Variants in PRKN observed in about 807,000 individuals in gnomAD.
PRKN encodes the protein parkin RBR E3 ubiquitin protein ligase, also known as E3 ubiquitin-protein ligase parkin.
In PRKN, 56 loss-of-function variants were observed where a neutral mutation model predicts 59.5. The ratio of observed to expected loss-of-function variants is 0.94; its 90% CI spans 0.76 to 1.18. The LOEUF (loss-of-function observed/expected upper bound fraction) is 1.18. Ranked by LOEUF, PRKN falls within the 50% of genes most tolerant of loss-of-function variation. The probability of loss-of-function intolerance (pLI) is 0.00; values close to 1 mark genes in which losing one functional copy is unlikely to be tolerated. For missense variants in PRKN, 657 were observed against 596.4 expected, an observed-to-expected ratio of 1.10 and a Z score of -1.06; for synonymous variants, 250 against 222.1, an observed-to-expected ratio of 1.13 and a Z score of -1.12.
In PRKN at chr6:161,550,541, G is replaced by A. The variant is rs1000231328; in HGVS notation, c.934-1538C>T. ...CTTGAACCGGGAAGGTAGTGCTGGAGGTAGGATGAGTGTTTGAATTCTGGG... is the reference window on the plus strand; with the variant it reads ...CTTGAACCGGGAAGGTAGTGCTGGAAGTAGGATGAGTGTTTGAATTCTGGG... On this transcript the variant is annotated intron_variant, in intron 8 of 11. Transcript: ENST00000366898. The surrounding 1 kb of genome is among the most constrained non-coding windows in gnomAD (Gnocchi z 4.0). Among the ~76,000 whole-genome samples the A allele has an allele frequency of 2.6e-5, 4 of 152,152 alleles. No individual in the cohort carries two copies. The highest frequency in any genetic ancestry group is 6.5e-5 in the Admixed American group (1 of 15,280).
At chr6:162,021,462 T>TATATATATATA (rs1554261961) in intron 5 of PRKN, among the ~76,000 whole-genome samples, 17 of 38,790 alleles carry the variant, frequency 4.4e-4, no homozygotes, top group African/African-American at 1.2e-3. Flanking sequence ...TATATATATA[T>TATATATATATA]TTTTTTTTTT....
At chr6:162,466,366 A>C in intron 1 of PRKN, among the ~76,000 whole-genome samples, 1 of 152,246 alleles carries the variant, frequency 6.6e-6, no homozygotes, top group South Asian at 2.1e-4. Context: ...CCCAGGCATT[A>C]TATTATTAAC....
At chr6:161,837,896 A>G (rs904135825) in intron 6 of PRKN, among the ~76,000 whole-genome samples, 3 of 152,196 alleles carry the variant, frequency 2.0e-5, no homozygotes, top group Non-Finnish European at 2.9e-5. Flanking sequence ...ATCTTATTTA[A>G]GAAGCAAGCA....
At chr6:161,747,029 C>T (rs1374743502) in intron 7 of PRKN, among the ~76,000 whole-genome samples, 4 of 151,920 alleles carry the variant, frequency 2.6e-5, no homozygotes, top group African/African-American at 7.3e-5. Flanking sequence ...GAAACGTTTT[C>T]GATTGATTTT....
chr6:162,212,729 C>T (rs1292700874), intron 3 of PRKN, among the ~76,000 whole-genome samples: 1 of 152,190 alleles, frequency 6.6e-6, no homozygotes, highest in Non-Finnish European at 1.5e-5. Context: ...TGTACTTACA[C>T]ACACCTAGAT....
At chr6:162,121,573 G>A (rs1399858062) in intron 4 of PRKN, among the ~76,000 whole-genome samples, 1 of 152,218 alleles carries the variant, frequency 6.6e-6, no homozygotes, top group Non-Finnish European at 1.5e-5. Context: ...GGCAGTGCAA[G>A]CTGCTTTGCC....
chr6:162,277,303 CACG>C (rs1018512690), intron 2 of PRKN, among the ~76,000 whole-genome samples: 1 of 152,132 alleles, frequency 6.6e-6, no homozygotes, highest in African/African-American at 2.4e-5. Flanking sequence ...CTAAGATTCA[CACG>C]GGCATTGTCA....
chr6:162,437,373 A>G (rs1290447031), intron 2 of PRKN, among the ~76,000 whole-genome samples: 1 of 152,196 alleles, frequency 6.6e-6, no homozygotes, highest in African/African-American at 2.4e-5. Context: ...ATTCAACTTT[A>G]TATTAAAATG....
At chr6:161,708,853 T>G (rs2128181650) in intron 7 of PRKN, among the ~76,000 whole-genome samples, 1 of 152,252 alleles carries the variant, frequency 6.6e-6, no homozygotes, top group Non-Finnish European at 1.5e-5. Context: ...CGAGGGAAGC[T>G]GGAAATCCCA....
At chr6:161,432,994 C>T (rs1300808851) in intron 9 of PRKN, among the ~76,000 whole-genome samples, 2 of 152,146 alleles carry the variant, frequency 1.3e-5, no homozygotes, top group South Asian at 4.1e-4. Flanking sequence ...GGTAAATCAG[C>T]GTGCCAATAA....
At chr6:162,489,689 T>C (rs1297332662) in intron 1 of PRKN, among the ~76,000 whole-genome samples, 1 of 152,196 alleles carries the variant, frequency 6.6e-6, no homozygotes, top group Non-Finnish European at 1.5e-5. Context: ...CCCTGGTCAC[T>C]ATCAACTTGG....
intron 7 of PRKN, among the ~76,000 whole-genome samples, chr6:161,691,385 T>C (rs988487551): frequency 2.0e-5 from 3 of 152,214 alleles, no homozygotes; most frequent in African/African-American, 7.2e-5. Context: ...TTTTACTATA[T>C]CTCTAACCCA....
Position 162,390,396 on chromosome 6 carries a change from T to TATATATATATATATATATATATACACAC in PRKN, c.171+52913_171+52914insGTGTGTATATATATATATATATATATAT, listed in dbSNP as rs1180636201. On this transcript the variant is annotated intron_variant, in intron 2 of 11. Coordinates refer to ENST00000366898, the MANE Select transcript of PRKN (RefSeq NM_004562.3). The stretch of plus-strand genomic sequence containing the variant: ...TAAGGTATATATATATATATATATA[T>TATATATATATATATATATATATACACAC]ACACACACACACACACACACACACA... 1.8e-3 allele frequency among the ~76,000 whole-genome samples: 147 copies of TATATATATATATATATATATATACACAC among 83,956 alleles called. 3 individuals carry two copies. Among genetic ancestry groups the TATATATATATATATATATATATACACAC allele is most frequent in the Middle Eastern group, 5.0e-3 (1 of 200 alleles). 55.1% of individuals were successfully genotyped at this position (83,956 alleles called of 152,430 possible). A position where few individuals can be genotyped will look rare whatever the true frequency, so the allele number is the denominator to read the frequency against.
chr6:162,692,541 C>T (rs2128235340), intron 1 of PRKN, among the ~76,000 whole-genome samples: 1 of 149,798 alleles, frequency 6.7e-6, no homozygotes, highest in East Asian at 2.0e-4. Context: ...TAAAGTTACC[C>T]ACGTAGGTGT....
chr6:161,583,608 A>G (rs983656761), intron 7 of PRKN, among the ~76,000 whole-genome samples: 2 of 152,228 alleles, frequency 1.3e-5, no homozygotes, highest in African/African-American at 4.8e-5. Flanking sequence ...TAGCAATTTT[A>G]CCACCCAGAG....
At chr6:161,686,425 T>C (rs1308956341) in intron 7 of PRKN, among the ~76,000 whole-genome samples, 2 of 152,220 alleles carry the variant, frequency 1.3e-5, no homozygotes, top group African/African-American at 4.8e-5. Context: ...ACCCTTTGCG[T>C]AAAAATTACA....
intron 1 of PRKN, among the ~76,000 whole-genome samples, chr6:162,523,200 C>CAGTGGGAATTCACAGGAG (rs921494053): frequency 2.0e-5 from 3 of 152,158 alleles, no homozygotes; most frequent in African/African-American, 7.2e-5. Flanking sequence ...ACAGATGAGG[C>CAGTGGGAATTCACAGGAG]AGTGGGAATT....
intron 6 of PRKN, among the ~76,000 whole-genome samples, chr6:161,930,535 CG>C (rs1583361598): frequency 1.3e-5 from 2 of 152,270 alleles, no homozygotes; most frequent in South Asian, 2.1e-4. Flanking sequence ...CTGAGTACCT[CG>C]TTGTAATACT....
chr6:162,115,025 G>A (rs998962149), intron 4 of PRKN, among the ~76,000 whole-genome samples: 1 of 151,686 alleles, frequency 6.6e-6, no homozygotes, highest in African/African-American at 2.4e-5. Flanking sequence ...AAATCATGCT[G>A]CTATAAAGAC....
Sources: allele counts gnomAD v4.1 joint callset (sites outside exome capture counted in the v4.1 genomes callset), GRCh38; gene constraint gnomAD v4.1.1; non-coding constraint Gnocchi (gnomAD v3.1); transcripts MANE v1.5; gene names NCBI Gene and HGNC (gene_info 2026-07-23, HGNC 2026-07-21).